Variants in ITPR2 observed in about 807,000 individuals in gnomAD.
ITPR2 encodes the protein inositol 1,4,5-trisphosphate receptor type 2.
A neutral mutation model predicts 317.1 loss-of-function variants in ITPR2; 207 were observed. The observed-to-expected ratio is 0.65, with a 90% CI of 0.58 to 0.73. The LOEUF is 0.73. ITPR2 is among the 30% of genes least tolerant of loss of function. The pLI is 0.00. For synonymous variants in ITPR2, 1,156 were observed against 1,149.1 expected, an observed-to-expected ratio of 1.01 and a Z score of -0.12; for missense variants, 2,613 against 3,284.0, an observed-to-expected ratio of 0.80 and a Z score of 4.99.
intron 52 of ITPR2, among the ~76,000 whole-genome samples, chr12:26,408,149 G>C (rs1009226850): frequency 6.6e-6 from 1 of 152,088 alleles, no homozygotes; most frequent in Non-Finnish European, 1.5e-5. Context: ...TTCCCTTACT[G>C]TAAGTTCTAT....
chr12:26,823,006 T>C (rs1950960930), intron 1 of ITPR2, among the ~76,000 whole-genome samples: 1 of 152,160 alleles, frequency 6.6e-6, no homozygotes, highest in South Asian at 2.1e-4. Flanking sequence ...TAATCAATCA[T>C]GGGCATAGAT....
chr12:26,454,019 A>AATGGATGG (rs941186026), intron 45 of ITPR2, among the ~76,000 whole-genome samples: 2 of 151,832 alleles, frequency 1.3e-5, no homozygotes, highest in African/African-American at 2.4e-5. Context: ...TGGATGGGTG[A>AATGGATGG]ATGGATGGAT....
chr12:26,523,536 T>TA (rs56371802), intron 37 of ITPR2, among the ~76,000 whole-genome samples: 10,002 of 150,804 alleles, frequency 0.066, 442 homozygotes, highest in African/African-American at 0.12. Flanking sequence ...TTTTTTTTTT[T>TA]AAAAAGCCTA....
intron 1 of ITPR2, among the ~76,000 whole-genome samples, chr12:26,805,387 T>A (rs1828217543): frequency 6.6e-6 from 1 of 152,240 alleles, no homozygotes; most frequent in South Asian, 2.1e-4. Flanking sequence ...ATGTTATTTA[T>A]TCAACACCTG....
At chr12:26,347,738 T>C (rs1938352193) in intron 55 of ITPR2, among the ~76,000 whole-genome samples, 1 of 152,230 alleles carries the variant, frequency 6.6e-6, no homozygotes, top group African/African-American at 2.4e-5. Context: ...TGATTTCTTC[T>C]TCTGGGGTAT....
At chr12:26,461,182 T>C (rs1942010466) in intron 45 of ITPR2, among the ~76,000 whole-genome samples, 1 of 152,210 alleles carries the variant, frequency 6.6e-6, no homozygotes, top group South Asian at 2.1e-4. Flanking sequence ...TATGTGTGTA[T>C]GTGTGTGTTA....
intron 8 of ITPR2, among the ~76,000 whole-genome samples, chr12:26,712,811 AG>A (rs575119101): frequency 1.5e-3 from 236 of 152,350 alleles, no homozygotes; most frequent in Non-Finnish European, 2.0e-3. Flanking sequence ...GAGATTTGGA[AG>A]GGAGGGTGTT....
rs1177233376 is a variant in ITPR2 at position 26,782,037 on chromosome 12, T to TAGAGAGAGAG, written c.163+8110_163+8119dup. ...ATATATATATATATATATATATGTA[T>TAGAGAGAGAG]AGAGAGAGAGAGAGAGAGAGAGAGA... On this transcript the variant is annotated intron_variant, in intron 2 of 56. Transcript: ENST00000381340. 1.2e-3 allele frequency among the ~76,000 whole-genome samples: 64 copies of TAGAGAGAGAG among 51,718 alleles called. 3 individuals are homozygous for TAGAGAGAGAG. Among genetic ancestry groups the TAGAGAGAGAG allele is most frequent in the African/African-American group, 3.4e-3 (60 of 17,568 alleles). 33.9% of individuals were successfully genotyped at this position (51,718 alleles called of 152,430 possible).
chr12:26,572,151 T>C (rs1206030864), intron 34 of ITPR2, among the ~76,000 whole-genome samples: 1 of 152,196 alleles, frequency 6.6e-6, no homozygotes, highest in Admixed American at 6.5e-5. Flanking sequence ...AGTGCCTCTG[T>C]GTGTTTTTAA....
chr12:26,518,691 C>T (rs145402455), intron 37 of ITPR2, among the ~76,000 whole-genome samples: 54 of 151,860 alleles, frequency 3.6e-4, no homozygotes, highest in Admixed American at 3.1e-3. Flanking sequence ...CATGGTGTAA[C>T]GAGGTTGAAA....
At chr12:26,454,512 G>A (rs1591799120) in intron 45 of ITPR2, among the ~76,000 whole-genome samples, 2 of 152,204 alleles carry the variant, frequency 1.3e-5, no homozygotes, top group East Asian at 1.9e-4. Flanking sequence ...GGCCAGAAAT[G>A]TTTTAATTCC....
intron 1 of ITPR2, among the ~76,000 whole-genome samples, chr12:26,796,329 C>A (rs4964017): frequency 0.78 from 118,823 of 152,116 alleles, 46,623 homozygotes; most frequent in East Asian, 0.95. Context: ...GCCTGAGGAA[C>A]CACTAATATC....
intron 20 of ITPR2, among the ~76,000 whole-genome samples, chr12:26,655,449 C>T (rs938523630): frequency 6.6e-6 from 1 of 151,740 alleles, no homozygotes; most frequent in Non-Finnish European, 1.5e-5. Flanking sequence ...CCCGTCTCTA[C>T]TAAAAATACA....
chr12:26,605,102 TAAAAATA>T (rs1404417670), intron 26 of ITPR2, among the ~76,000 whole-genome samples: 10 of 101,512 alleles, frequency 9.9e-5, no homozygotes, highest in Non-Finnish European at 2.1e-4. Context: ...AAAAAAAAAA[TAAAAATA>T]AAAAATAAAA....
intron 34 of ITPR2, among the ~76,000 whole-genome samples, chr12:26,567,917 A>C (rs1945017640): frequency 7.0e-6 from 1 of 143,160 alleles, no homozygotes; most frequent in African/African-American, 2.6e-5. Context: ...GCTTACTTTT[A>C]CTAAGCTAGA....
chr12:26,480,011 T>C (rs1942509945), intron 43 of ITPR2, among the ~76,000 whole-genome samples: 1 of 152,176 alleles, frequency 6.6e-6, no homozygotes, highest in Admixed American at 6.6e-5. Flanking sequence ...AAACCTAAAT[T>C]TAGAAACAGG....
intron 37 of ITPR2, among the ~76,000 whole-genome samples, chr12:26,509,271 TG>T (rs1340065405): frequency 2.0e-5 from 3 of 152,180 alleles, no homozygotes; most frequent in Non-Finnish European, 2.9e-5. Flanking sequence ...CTAAGAGGCA[TG>T]GGGTTTCTTT....
rs115367593 is a variant in ITPR2 at position 26,827,676 on chromosome 12, A to G, written c.92+5014T>C. Among the ~76,000 whole-genome samples, 474 of 152,342 alleles carry G rather than the reference A, an allele frequency of 3.1e-3. 6 individuals are homozygous for G. The highest frequency in any genetic ancestry group is 0.011 in the African/African-American group (451 of 41,570). On this transcript the variant is annotated intron_variant, in intron 1 of 56. Transcript: ENST00000381340. ...TCAAACAAGATTTATTTGCAAATAA[A>G]TGTCTATTCATTATCTTGAAATACT...
intron 2 of ITPR2, among the ~76,000 whole-genome samples, chr12:26,780,997 A>G (rs1950065404): frequency 6.6e-6 from 1 of 152,226 alleles, no homozygotes; most frequent in Non-Finnish European, 1.5e-5. Context: ...GACTATCAAG[A>G]TGAAATCAGT....
Sources: gnomAD v4.1 joint callset for allele counts (sites outside exome capture counted in the v4.1 genomes callset) on GRCh38, gnomAD v4.1.1 for gene constraint, MANE v1.5 for transcripts, NCBI Gene and HGNC (gene_info 2026-07-23, HGNC 2026-07-21) for gene names.